Variants in FAM151B observed in about 807,000 individuals in gnomAD.
The protein encoded by FAM151B is protein FAM151B.
A neutral mutation model predicts 31.2 loss-of-function variants in FAM151B; 24 were observed. The observed-to-expected ratio is 0.77, with a 90% CI of 0.56 to 1.08. The LOEUF (loss-of-function observed/expected upper bound fraction) is 1.08, where lower values mean the gene tolerates loss of function less well. Ranked by LOEUF, FAM151B falls within the 50% of genes least tolerant of loss-of-function variation. FAM151B has a pLI of 0.00. For missense variants in FAM151B, 293 were observed against 328.6 expected (o/e 0.89, Z 0.84); for synonymous variants, 105 against 111.4 (o/e 0.94, Z 0.36).
In FAM151B at chr5:80,511,399, A is replaced by G. The variant is rs553998607; in HGVS notation, c.152-2205A>G. On this transcript the variant is annotated intron_variant, in intron 2 of 5. Coordinates refer to ENST00000282226, the MANE Select transcript of FAM151B (RefSeq NM_205548.3). ...TGAGGCAGGAGGATCCCTGGAGCCC[A>G]AGAGTTTCAGGTTGCAATAGAGTGA... Among the ~76,000 whole-genome samples the G allele has an allele frequency of 2.1e-5, 3 of 145,704 alleles. No homozygotes were observed. The South Asian group carries it at 6.9e-4, about 34-fold the overall frequency.
At chr5:80,497,641 G>A (rs1359541299) in intron 1 of FAM151B, among the ~76,000 whole-genome samples, 1 of 151,964 alleles carries the variant, frequency 6.6e-6, no homozygotes, top group Non-Finnish European at 1.5e-5. Context: ...AAAAGGGTAA[G>A]GAAAACTTCT....
At chr5:80,500,568 A>T in intron 1 of FAM151B, 1 of 755,536 alleles carries the variant, frequency 1.3e-6, no homozygotes, top group Non-Finnish European at 2.4e-6. Flanking sequence ...AAAGCTGGCA[A>T]CTTCTGTGTA....
At chr5:80,515,822 G>A (rs1433512914) in intron 3 of FAM151B, among the ~76,000 whole-genome samples, 1 of 152,162 alleles carries the variant, frequency 6.6e-6, no homozygotes, top group Non-Finnish European at 1.5e-5. Context: ...TTCCGGATGA[G>A]GCAATGGAGA....
At chr5:80,498,476 T>TG in intron 1 of FAM151B, 1 of 643,984 alleles carries the variant, frequency 1.6e-6, no homozygotes, top group Non-Finnish European at 2.6e-6. Flanking sequence ...TTTGGTTTTT[T>TG]GGGGGGCTTT....
At chr5:80,527,556 T>C (rs1745026230) in intron 5 of FAM151B, among the ~76,000 whole-genome samples, 1 of 152,208 alleles carries the variant, frequency 6.6e-6, no homozygotes, top group Non-Finnish European at 1.5e-5. Context: ...TACAAACTTG[T>C]ACACCGTATT....
At chr5:80,495,325 G>A (rs1743490414) in intron 1 of FAM151B, 3 of 152,090 alleles carry the variant, frequency 2.0e-5, no homozygotes, top group Admixed American at 1.3e-4. Flanking sequence ...GAAATGTTTT[G>A]TAAATCTATA....
intron 3 of FAM151B, among the ~76,000 whole-genome samples, chr5:80,514,317 A>G (rs1210700060): frequency 6.6e-6 from 1 of 151,950 alleles, no homozygotes; most frequent in Non-Finnish European, 1.5e-5. Context: ...TCTACTAAAA[A>G]TACAAAAATT....
intron 4 of FAM151B, 111 bp downstream of exon 4, chr5:80,520,021 G>T (rs975185820): frequency 1.0e-6 from 1 of 995,788 alleles, no homozygotes. Context: ...TAAGCCTGAT[G>T]GAAAAAAAGG....
intron 5 of FAM151B, among the ~76,000 whole-genome samples, chr5:80,532,178 A>G (rs894240332): frequency 1.5e-5 from 2 of 132,368 alleles, no homozygotes; most frequent in African/African-American, 2.9e-5. Flanking sequence ...ATGAGAACAC[A>G]TGGACACAGG....
chr5:80,502,691 A>G (rs1324625359), intron 2 of FAM151B, among the ~76,000 whole-genome samples: 1 of 152,232 alleles, frequency 6.6e-6, no homozygotes, highest in African/African-American at 2.4e-5. Context: ...CAGAGCTTGC[A>G]GTATCTGGTC....
rs1580442608 is a variant in FAM151B, at chr5:80,522,242, T to C, written c.671+104T>C. On this transcript the variant is annotated intron_variant, in intron 5 of 5. Transcript: ENST00000282226. ...AAAGACAGTGTGTGTGAGAGAAAGG[T>C]AGACAGAAAAGGAATGAAAACTGAT... The C allele has an allele frequency of 2.4e-6, 3 of 1,260,838 alleles. No homozygotes were observed. The East Asian group carries it at 7.2e-5, about 30-fold the overall frequency. The allele number at this position is 1,260,838 out of a possible 1,614,324, so 78.1% of individuals were successfully genotyped here. A position where few individuals can be genotyped will look rare whatever the true frequency, so the allele number is the denominator to read the frequency against.
chr5:80,502,878 C>T (rs761660785), intron 2 of FAM151B, among the ~76,000 whole-genome samples: 2 of 152,144 alleles, frequency 1.3e-5, no homozygotes, highest in African/African-American at 2.4e-5. Context: ...ATGCCTGAAA[C>T]AGTGCGTAGC....
At chr5:80,530,368 G>A (rs201951085) in intron 5 of FAM151B, among the ~76,000 whole-genome samples, 32,675 of 151,850 alleles carry the variant, frequency 0.22, 3,712 homozygotes, top group Non-Finnish European at 0.26. Flanking sequence ...TCAACATAGT[G>A]TTGGAAGTTC....
chr5:80,515,806 C>T (rs1744416327), intron 3 of FAM151B, among the ~76,000 whole-genome samples: 1 of 152,072 alleles, frequency 6.6e-6, no homozygotes, highest in South Asian at 2.1e-4. Flanking sequence ...TGCTGTTATT[C>T]TCATTTTCCG....
chr5:80,539,735 G>C (rs545940626), intron 5 of FAM151B, among the ~76,000 whole-genome samples: 2 of 150,470 alleles, frequency 1.3e-5, no homozygotes, highest in Non-Finnish European at 2.9e-5. Context: ...CAGGCAATCG[G>C]CCTGCCTCGG....
chr5:80,496,485 A>G (rs1208088923), intron 1 of FAM151B, among the ~76,000 whole-genome samples: 1 of 152,206 alleles, frequency 6.6e-6, no homozygotes, highest in Non-Finnish European at 1.5e-5. Flanking sequence ...AAATTGTGTG[A>G]CTTGCTTTAT....
intron 5 of FAM151B, among the ~76,000 whole-genome samples, chr5:80,537,337 C>G (rs1318601718): frequency 2.0e-5 from 3 of 152,164 alleles, no homozygotes; most frequent in African/African-American, 7.2e-5. Context: ...TACTTTTCCT[C>G]GTAGGAGAGT....
chr5:80,529,174 G>A (rs896322672), intron 5 of FAM151B, among the ~76,000 whole-genome samples: 1 of 152,130 alleles, frequency 6.6e-6, no homozygotes, highest in Admixed American at 6.6e-5. Flanking sequence ...AAATAAAGAT[G>A]TTCTTTGAAA....
chr5:80,512,828 A>G (rs1744244405), intron 2 of FAM151B, among the ~76,000 whole-genome samples: 1 of 151,920 alleles, frequency 6.6e-6, no homozygotes, highest in Non-Finnish European at 1.5e-5. Flanking sequence ...AATGCATTTT[A>G]AAGAATTTTT....
Sources: allele counts gnomAD v4.1 joint callset (sites outside exome capture counted in the v4.1 genomes callset), GRCh38; gene constraint gnomAD v4.1.1; transcripts MANE v1.5; gene names NCBI Gene and HGNC (gene_info 2026-07-23, HGNC 2026-07-21).